NBEA: variants seen among roughly 807,000 people sequenced by gnomAD.
NBEA encodes lysosomal-trafficking regulator 2.
A neutral mutation model predicts 343.4 loss-of-function variants in NBEA; 44 were observed. The ratio of observed to expected loss-of-function variants is 0.13; its 90% CI spans 0.10 to 0.16. NBEA has a LOEUF of 0.16. Among genes scored for constraint, NBEA ranks in the 10% least tolerant of loss-of-function variants. The pLI, the probability that NBEA is intolerant of heterozygous loss-of-function variation, is 1.00. For missense variants in NBEA, 2,555 were observed against 3,631.3 expected (o/e 0.70, Z 7.62); for synonymous variants, 1,175 against 1,238.7 (o/e 0.95, Z 1.08).
chr13:35,422,353 G>A (rs1472227553), intron 38 of NBEA, among the ~76,000 whole-genome samples: 1 of 136,220 alleles, frequency 7.3e-6, no homozygotes, highest in African/African-American at 2.8e-5. Context: ...CTGTGTCCAT[G>A]TGTTCTCATT....
intron 48 of NBEA, among the ~76,000 whole-genome samples, chr13:35,612,542 C>T (rs553032394): frequency 6.6e-5 from 10 of 152,072 alleles, no homozygotes; most frequent in Non-Finnish European, 1.5e-4. Context: ...TTTAGTGATT[C>T]ATTATAGACA....
At position 35,350,750 on chromosome 13, in the gene NBEA, G is replaced by C. The variant is rs1207765531; in HGVS notation, c.6013-1407G>C. Among the ~76,000 whole-genome samples the C allele has an allele frequency of 2.0e-5, 3 of 151,008 alleles. No individual in the cohort carries two copies. In the East Asian group the frequency reaches 5.8e-4, roughly 29 times the overall value. On this transcript the variant is annotated intron_variant, in intron 37 of 58. Coordinates refer to ENST00000379939, the MANE Select transcript of NBEA (RefSeq NM_001385012.1). ...TTGATGTGTGTGTGTGTGTGTGTGTGTGTGTGTGTGTGTGTGTGTGTGTAG... is the reference window on the plus strand; with the variant it reads ...TTGATGTGTGTGTGTGTGTGTGTGTCTGTGTGTGTGTGTGTGTGTGTGTAG...
At chr13:35,350,370 A>C (rs536468568) in intron 37 of NBEA, among the ~76,000 whole-genome samples, 84 of 152,184 alleles carry the variant, frequency 5.5e-4, no homozygotes, top group South Asian at 1.7e-3. Flanking sequence ...ATTTTGCCTA[A>C]TTGGCCTCTC....
chr13:35,058,686 A>C, intron 7 of NBEA, 31 bp from the exon 8 acceptor site: 1 of 1,527,860 alleles, frequency 6.5e-7, no homozygotes, highest in Non-Finnish European at 8.9e-7. Context: ...ATTAAAAATA[A>C]TGCATTTTTC....
chr13:35,091,520 A>G (rs1410915737), intron 10 of NBEA, among the ~76,000 whole-genome samples: 1 of 152,004 alleles, frequency 6.6e-6, no homozygotes, highest in Non-Finnish European at 1.5e-5. Context: ...CACAGATGAC[A>G]TGATTGTCTA....
intron 38 of NBEA, among the ~76,000 whole-genome samples, chr13:35,392,420 A>G (rs768413603): frequency 1.3e-5 from 2 of 151,856 alleles, no homozygotes; most frequent in Non-Finnish European, 2.9e-5. Context: ...ATATGCCTAT[A>G]GGAAACATCT....
intron 45 of NBEA, among the ~76,000 whole-genome samples, chr13:35,583,630 T>C (rs2081156603): frequency 6.6e-6 from 1 of 152,180 alleles, no homozygotes; most frequent in Non-Finnish European, 1.5e-5. Context: ...CAGTTTAAAC[T>C]AGATCACCTC....
At chr13:35,615,519 A>G (rs541058319) in intron 48 of NBEA, among the ~76,000 whole-genome samples, 5 of 151,940 alleles carry the variant, frequency 3.3e-5, no homozygotes, top group South Asian at 2.1e-4. Context: ...AATTTTTTGT[A>G]TTTTTAATAG....
chr13:35,341,339 C>T (rs1181428131), intron 36 of NBEA, among the ~76,000 whole-genome samples: 1 of 151,654 alleles, frequency 6.6e-6, no homozygotes, highest in Non-Finnish European at 1.5e-5. Flanking sequence ...CTTGAATTAC[C>T]CAATGGTTTT....
At chr13:35,515,620 A>G (rs1054325595) in intron 41 of NBEA, among the ~76,000 whole-genome samples, 4 of 152,238 alleles carry the variant, frequency 2.6e-5, no homozygotes, top group Non-Finnish European at 4.4e-5. Context: ...TTCTGTGATG[A>G]AACATTTCAA....
chr13:35,013,186 CAT>C (rs1377160605), intron 1 of NBEA, among the ~76,000 whole-genome samples: 2 of 152,140 alleles, frequency 1.3e-5, no homozygotes, highest in Non-Finnish European at 2.9e-5. Context: ...AGGTGCTTCT[CAT>C]AGAATGGTCA....
intron 46 of NBEA, among the ~76,000 whole-genome samples, chr13:35,588,552 TTTAAA>T (rs1356995919): frequency 6.6e-6 from 1 of 152,164 alleles, no homozygotes; most frequent in Non-Finnish European, 1.5e-5. Flanking sequence ...ACTTCATTAC[TTTAAA>T]TTAAAAATAT....
intron 1 of NBEA, among the ~76,000 whole-genome samples, chr13:35,015,155 A>AAAAAAAAAAAAAAAAG (rs1566165334): frequency 6.7e-6 from 1 of 149,264 alleles, no homozygotes; most frequent in Admixed American, 6.7e-5. Flanking sequence ...AAAAAAAAAA[A>AAAAAAAAAAAAAAAAG]ACCACACACA....
chr13:35,479,979 G>T (rs183936452), intron 41 of NBEA, among the ~76,000 whole-genome samples: 1 of 147,040 alleles, frequency 6.8e-6, no homozygotes, highest in East Asian at 2.0e-4. Flanking sequence ...ATGGTATTTA[G>T]AATTTTAATG....
chr13:35,530,739 A>ATT (rs34934882), intron 41 of NBEA, among the ~76,000 whole-genome samples: 34,444 of 152,060 alleles, frequency 0.23, 4,365 homozygotes, highest in East Asian at 0.49. Flanking sequence ...TTCCATGGTG[A>ATT]TCTGCACAAT....
intron 55 of NBEA, among the ~76,000 whole-genome samples, chr13:35,661,007 T>A (rs1425510622): frequency 6.6e-6 from 1 of 152,144 alleles, no homozygotes; most frequent in Non-Finnish European, 1.5e-5. Flanking sequence ...AGACCACTCA[T>A]CCACCCCATC....
intron 36 of NBEA, among the ~76,000 whole-genome samples, chr13:35,327,324 C>T (rs959070382): frequency 6.6e-6 from 1 of 152,014 alleles, no homozygotes; most frequent in Non-Finnish European, 1.5e-5. Flanking sequence ...AACACATGTA[C>T]ACGTATGTTC....
At chr13:35,456,538 G>A (rs2046587927) in intron 40 of NBEA, among the ~76,000 whole-genome samples, 2 of 151,986 alleles carry the variant, frequency 1.3e-5, no homozygotes, top group South Asian at 4.1e-4. Flanking sequence ...TGAAAACATT[G>A]AGATTGGTAT....
chr13:35,364,020 C>A (rs1309843242), intron 38 of NBEA, among the ~76,000 whole-genome samples: 1 of 151,926 alleles, frequency 6.6e-6, no homozygotes, highest in Non-Finnish European at 1.5e-5. Flanking sequence ...TTTGCCTTGC[C>A]TGTGGCATGT....
Sources: allele counts gnomAD v4.1 joint callset (sites outside exome capture counted in the v4.1 genomes callset), GRCh38; gene constraint gnomAD v4.1.1; transcripts MANE v1.5; gene names NCBI Gene and HGNC (gene_info 2026-07-23, HGNC 2026-07-21).